ADAM17: variants seen among roughly 807,000 people sequenced by gnomAD.
The protein encoded by ADAM17 is disintegrin and metalloproteinase domain-containing protein 17.
Under a neutral mutation model 96.7 loss-of-function variants are expected in ADAM17, and 39 were observed. That is an observed-to-expected ratio of 0.40 (90% CI 0.31 to 0.53). ADAM17 has a LOEUF of 0.53. Among genes scored for constraint, ADAM17 ranks in the 20% least tolerant of loss-of-function variants. ADAM17 has a pLI of 0.44. For missense variants in ADAM17, 777 were observed against 1,013.2 expected (o/e 0.77, Z 3.17); for synonymous variants, 344 against 359.2 (o/e 0.96, Z 0.48).
intron 2 of ADAM17, among the ~76,000 whole-genome samples, chr2:9,540,268 TC>T (rs1665154984): frequency 6.6e-6 from 1 of 152,120 alleles, no homozygotes; most frequent in South Asian, 2.1e-4. Context: ...TTCACCAAAC[TC>T]TCCACCAGTA....
At chr2:9,526,022 T>C in intron 6 of ADAM17, 89 bp downstream of exon 6, 2 of 1,242,926 alleles carry the variant, frequency 1.6e-6, no homozygotes, top group Non-Finnish European at 2.2e-6. Flanking sequence ...TAACAGAGTA[T>C]CTGGAACAGA....
chr2:9,552,662 C>CT (rs1191653239), intron 1 of ADAM17, among the ~76,000 whole-genome samples: 2 of 152,186 alleles, frequency 1.3e-5, no homozygotes, highest in African/African-American at 4.8e-5. Flanking sequence ...ACTACATCCT[C>CT]TTTTATTAAA....
chr2:9,503,558 C>T (rs1428317152), intron 12 of ADAM17, among the ~76,000 whole-genome samples: 2 of 152,122 alleles, frequency 1.3e-5, no homozygotes, highest in African/African-American at 2.4e-5. Context: ...ATTCTTTGGG[C>T]AGCCAGGAGC....
intron 11 of ADAM17, 116 bp downstream of exon 11, chr2:9,509,863 T>C: frequency 7.5e-7 from 1 of 1,329,192 alleles, no homozygotes; most frequent in Non-Finnish European, 1.0e-6. Flanking sequence ...CTTTGTAATT[T>C]GCACATCCAT....
chr2:9,525,992 C>A, intron 6 of ADAM17, 119 bp downstream of exon 6: 1 of 1,027,538 alleles, frequency 9.7e-7, no homozygotes. Flanking sequence ...AGAGAATATC[C>A]CTCAAATATT....
At chr2:9,541,244 A>G (rs1336714573) in intron 2 of ADAM17, among the ~76,000 whole-genome samples, 1 of 152,218 alleles carries the variant, frequency 6.6e-6, no homozygotes, top group Non-Finnish European at 1.5e-5. Flanking sequence ...ACACACACAG[A>G]GACCTATAGG....
intron 18 of ADAM17, among the ~76,000 whole-genome samples, 153 bp downstream of exon 18, chr2:9,490,948 G>A (rs1346784259): frequency 6.6e-6 from 1 of 152,130 alleles, no homozygotes; most frequent in Non-Finnish European, 1.5e-5. Flanking sequence ...CATCACTGTT[G>A]TCAGAAGGGT....
intron 4 of ADAM17, among the ~76,000 whole-genome samples, chr2:9,534,934 A>G (rs191627526): frequency 6.2e-4 from 95 of 152,314 alleles, no homozygotes; most frequent in Admixed American, 1.8e-3. Context: ...TTTACTTTCT[A>G]CTAAATTTCT....
rs1662411288 is a variant in ADAM17 at position 9,494,523 on chromosome 2, GA to G, written c.1914+113del. 11 of 1,243,708 alleles carry G rather than the reference GA, an allele frequency of 8.8e-6. No homozygotes were observed. In the Admixed American group the frequency reaches 2.1e-4, roughly 24 times the overall value. 77.0% of individuals were successfully genotyped at this position (1,243,708 alleles called of 1,614,324 possible). A position where few individuals can be genotyped will look rare whatever the true frequency, so the allele number is the denominator to read the frequency against. On this transcript the variant is annotated intron_variant, in intron 15 of 18. Transcript: ENST00000310823. ...AATACCCGTAGATAACAATGGGCCA[GA>G]AGGATGTAGCCCCACTTGTGTTTTG...
chr2:9,525,796 G>A (rs1285637946), intron 6 of ADAM17, among the ~76,000 whole-genome samples: 1 of 152,118 alleles, frequency 6.6e-6, no homozygotes, highest in Non-Finnish European at 1.5e-5. Context: ...GACACCACAG[G>A]TTCACTACCA....
At chr2:9,555,124 G>A (rs958628907) in intron 1 of ADAM17, among the ~76,000 whole-genome samples, 4 of 151,942 alleles carry the variant, frequency 2.6e-5, no homozygotes, top group African/African-American at 7.3e-5. Context: ...TCTGGCTCTG[G>A]TAGGAACACA....
intron 1 of ADAM17, among the ~76,000 whole-genome samples, chr2:9,544,984 A>G (rs1665353963): frequency 6.6e-6 from 1 of 152,162 alleles, no homozygotes; most frequent in Admixed American, 6.5e-5. Flanking sequence ...TAGTTCTTCA[A>G]TTTCCCTGAT....
intron 10 of ADAM17, among the ~76,000 whole-genome samples, chr2:9,515,606 G>T (rs1224860363): frequency 6.6e-6 from 1 of 151,682 alleles, no homozygotes; most frequent in Non-Finnish European, 1.5e-5. Flanking sequence ...GAGTGGCAGC[G>T]GGCACCTGTA....
chr2:9,523,159 T>C, intron 7 of ADAM17, 90 bp downstream of exon 7: 1 of 947,646 alleles, frequency 1.1e-6, no homozygotes, highest in Non-Finnish European at 1.6e-6. Flanking sequence ...ACAATTATTG[T>C]TAAGGACAAG....
At chr2:9,497,461 C>G (rs1468320715) in intron 13 of ADAM17, among the ~76,000 whole-genome samples, 1 of 152,232 alleles carries the variant, frequency 6.6e-6, no homozygotes, top group South Asian at 2.1e-4. Context: ...GCATGAGTCC[C>G]TGGCCTCCCA....
At chr2:9,540,976 G>C (rs970293173) in intron 2 of ADAM17, among the ~76,000 whole-genome samples, 3 of 152,100 alleles carry the variant, frequency 2.0e-5, no homozygotes, top group African/African-American at 7.2e-5. Flanking sequence ...GGAGGAAAGA[G>C]CAATATCAAT....
At chr2:9,518,978 T>C (rs1416405785) in intron 8 of ADAM17, among the ~76,000 whole-genome samples, 1 of 151,964 alleles carries the variant, frequency 6.6e-6, no homozygotes, top group Non-Finnish European at 1.5e-5. Flanking sequence ...CAATCACAGC[T>C]CACTGCAGCC....
At chr2:9,510,441 G>A (rs1277564289) in intron 10 of ADAM17, among the ~76,000 whole-genome samples, 1 of 152,066 alleles carries the variant, frequency 6.6e-6, no homozygotes, top group Non-Finnish European at 1.5e-5. Flanking sequence ...TGAGGCAGGT[G>A]GATCACGAGG....
chr2:9,496,001 A>G (rs1040767577), intron 14 of ADAM17, among the ~76,000 whole-genome samples: 3 of 151,392 alleles, frequency 2.0e-5, no homozygotes, highest in African/African-American at 7.3e-5. Context: ...CCCTCAACCT[A>G]TCTTCTTTAC....
Sources: gnomAD v4.1 joint callset for allele counts (sites outside exome capture counted in the v4.1 genomes callset) on GRCh38, gnomAD v4.1.1 for gene constraint, MANE v1.5 for transcripts, NCBI Gene and HGNC (gene_info 2026-07-23, HGNC 2026-07-21) for gene names.